The following NRXN3 variants were observed in gnomAD, a reference collection of about 807,000 sequenced individuals.
NRXN3 encodes the protein neurexin III.
Under a neutral mutation model 137.6 loss-of-function variants are expected in NRXN3, and 32 were observed. The observed-to-expected ratio is 0.23, with a 90% CI of 0.18 to 0.31. The LOEUF is 0.31. NRXN3 is among the 10% of genes least tolerant of loss of function. NRXN3 has a pLI of 1.00. For missense variants in NRXN3, 1,574 were observed against 2,062.5 expected, an observed-to-expected ratio of 0.76 and a Z score of 4.59; for synonymous variants, 798 against 784.5, an observed-to-expected ratio of 1.02 and a Z score of -0.29.
intron 16 of NRXN3, among the ~76,000 whole-genome samples, chr14:79,604,696 A>T (rs1245991118): frequency 6.6e-6 from 1 of 152,212 alleles, no homozygotes; most frequent in Non-Finnish European, 1.5e-5. Flanking sequence ...CATTGTTGTT[A>T]TATCTCAGAG....
intron 15 of NRXN3, among the ~76,000 whole-genome samples, chr14:79,463,224 T>A (rs1379647422): frequency 6.6e-6 from 1 of 152,196 alleles, no homozygotes; most frequent in Non-Finnish European, 1.5e-5. Context: ...AAAAATTATA[T>A]TCCTCATTCT....
At chr14:78,416,093 A>G (rs1251110369) in intron 4 of NRXN3, among the ~76,000 whole-genome samples, 1 of 152,140 alleles carries the variant, frequency 6.6e-6, no homozygotes, top group African/African-American at 2.4e-5. Flanking sequence ...GGGAAATTAA[A>G]CTCAGAGTAT....
chr14:79,484,737 A>G (rs2096639952), intron 16 of NRXN3, among the ~76,000 whole-genome samples: 1 of 152,218 alleles, frequency 6.6e-6, no homozygotes, highest in Non-Finnish European at 1.5e-5. Context: ...GAACGTTTTC[A>G]AAGTCACAGC....
intron 17 of NRXN3, among the ~76,000 whole-genome samples, chr14:79,679,180 C>T (rs1437347930): frequency 6.6e-6 from 1 of 151,642 alleles, no homozygotes; most frequent in African/African-American, 2.4e-5. Context: ...TTGCAAGGTG[C>T]AAGGTTCTAT....
At chr14:79,242,975 C>A (rs1033406137) in intron 15 of NRXN3, among the ~76,000 whole-genome samples, 1 of 152,094 alleles carries the variant, frequency 6.6e-6, no homozygotes, top group African/African-American at 2.4e-5. Flanking sequence ...CTGAGAAAAA[C>A]AAAATCCCAG....
At chr14:78,796,409 T>C (rs2098821951) in intron 8 of NRXN3, among the ~76,000 whole-genome samples, 1 of 151,888 alleles carries the variant, frequency 6.6e-6, no homozygotes, top group African/African-American at 2.4e-5. Flanking sequence ...ACAATAAGAG[T>C]TTCCACTCTG....
At chr14:79,109,657 C>G (rs1007647725) in intron 15 of NRXN3, among the ~76,000 whole-genome samples, 2 of 152,102 alleles carry the variant, frequency 1.3e-5, no homozygotes, top group Non-Finnish European at 2.9e-5. Flanking sequence ...CTGTCTCTCT[C>G]TTTCATACAT....
At chr14:78,408,494 A>G (rs1019197892) in intron 4 of NRXN3, among the ~76,000 whole-genome samples, 7 of 152,228 alleles carry the variant, frequency 4.6e-5, no homozygotes, top group African/African-American at 1.7e-4. Context: ...AATCTCTTTC[A>G]CCATCAGAAT....
chr14:79,519,316 G>A (rs2097032688), intron 16 of NRXN3, among the ~76,000 whole-genome samples: 2 of 151,790 alleles, frequency 1.3e-5, no homozygotes, highest in Admixed American at 1.3e-4. Flanking sequence ...TTTTCATGAT[G>A]AGATAATCTA....
chr14:79,782,805 T>C (rs1477104064), intron 19 of NRXN3, among the ~76,000 whole-genome samples: 1 of 152,120 alleles, frequency 6.6e-6, no homozygotes, highest in Non-Finnish European at 1.5e-5. Flanking sequence ...AGGGTGGAAT[T>C]ATCTGAATTT....
At chr14:78,647,906 T>C (rs1289970442) in intron 5 of NRXN3, among the ~76,000 whole-genome samples, 1 of 152,230 alleles carries the variant, frequency 6.6e-6, no homozygotes, top group Non-Finnish European at 1.5e-5. Context: ...TCCATAAATA[T>C]TTGACAACAA....
chr14:78,629,309 C>T (rs898862292), intron 4 of NRXN3, among the ~76,000 whole-genome samples: 6 of 152,174 alleles, frequency 3.9e-5, no homozygotes, highest in African/African-American at 1.4e-4. Flanking sequence ...ATGATGTCTT[C>T]TTACTTTTCT....
At chr14:79,824,434 A>G (rs932416339) in intron 20 of NRXN3, among the ~76,000 whole-genome samples, 1 of 151,964 alleles carries the variant, frequency 6.6e-6, no homozygotes, top group Non-Finnish European at 1.5e-5. Context: ...TTACGACTAT[A>G]GTCCACCCCT....
intron 15 of NRXN3, among the ~76,000 whole-genome samples, chr14:79,274,458 A>G (rs1746020069): frequency 6.6e-6 from 1 of 152,238 alleles, no homozygotes; most frequent in Non-Finnish European, 1.5e-5. Context: ...AAAACCGGAC[A>G]GAGATTTCCA....
intron 15 of NRXN3, among the ~76,000 whole-genome samples, chr14:79,149,847 G>A (rs574349229): frequency 6.6e-6 from 1 of 152,126 alleles, no homozygotes; most frequent in Admixed American, 6.5e-5. Flanking sequence ...CAAACAGTGG[G>A]GCCAGTCATG....
chr14:78,999,857 A>G (rs760669024), intron 15 of NRXN3, among the ~76,000 whole-genome samples: 1 of 152,214 alleles, frequency 6.6e-6, no homozygotes, highest in Non-Finnish European at 1.5e-5. Flanking sequence ...TTTATTTCAC[A>G]AGATGAGATT....
chr14:79,269,143 G>C (rs1226786072), intron 15 of NRXN3, among the ~76,000 whole-genome samples: 1 of 152,014 alleles, frequency 6.6e-6, no homozygotes, highest in Non-Finnish European at 1.5e-5. Context: ...TCCGCCTCCC[G>C]GGTTCACGCC....
chr14:79,395,351 C>T (rs752067952), intron 15 of NRXN3, among the ~76,000 whole-genome samples: 3 of 152,136 alleles, frequency 2.0e-5, no homozygotes, highest in Non-Finnish European at 4.4e-5. Flanking sequence ...GTATGTAAGG[C>T]ATTTGATTCC....
At chr14:79,125,239 G>A (rs551427913) in intron 15 of NRXN3, among the ~76,000 whole-genome samples, 7 of 152,184 alleles carry the variant, frequency 4.6e-5, no homozygotes, top group Non-Finnish European at 5.9e-5. Context: ...TCCCTGTCAC[G>A]TTCTATCATA....
Sources: gnomAD v4.1 joint callset for allele counts (sites outside exome capture counted in the v4.1 genomes callset) on GRCh38, gnomAD v4.1.1 for gene constraint, MANE v1.5 for transcripts, NCBI Gene and HGNC (gene_info 2026-07-23, HGNC 2026-07-21) for gene names.